Variants in VTA1 observed in about 807,000 individuals in gnomAD.
The protein encoded by VTA1 is vacuolar protein sorting-associated protein VTA1 homolog.
Under a neutral mutation model 36.9 loss-of-function variants are expected in VTA1, and 24 were observed. The observed-to-expected ratio is 0.65, with a 90% confidence interval of 0.47 to 0.91. The LOEUF is 0.91. VTA1 is among the 40% of genes least tolerant of loss of function. The pLI is 0.00. For missense variants in VTA1, 393 were observed against 377.2 expected, an observed-to-expected ratio of 1.04 and a Z score of -0.35; for synonymous variants, 142 against 130.2, an observed-to-expected ratio of 1.09 and a Z score of -0.62.
chr6:142,214,550 C>T (rs1775969961), intron 7 of VTA1, among the ~76,000 whole-genome samples: 1 of 152,178 alleles, frequency 6.6e-6, no homozygotes, highest in South Asian at 2.1e-4. Flanking sequence ...CAGGCCTCTC[C>T]TCCTATTTGA....
intron 6 of VTA1, among the ~76,000 whole-genome samples, chr6:142,200,383 G>T (rs555161978): frequency 2.0e-5 from 3 of 151,808 alleles, no homozygotes; most frequent in African/African-American, 7.3e-5. Flanking sequence ...ATTATTATGC[G>T]AATCAAGAGA....
rs561581686 is a variant in VTA1, at chr6:142,166,320, G to A, written c.205G>A (p.Ala69Thr). 1.3e-6 allele frequency: 2 copies of A among 1,597,592 alleles called. No homozygotes were observed. Among genetic ancestry groups the A allele is most frequent in the African/African-American group, 2.7e-5 (2 of 74,504 alleles). The change falls in exon 2 of 8, where the codon GCT (alanine) becomes ACT (threonine). Residue 69 changes from alanine (A) to threonine (T), a missense_variant and splice_region_variant. By Grantham distance (58) the Ala-to-Thr change is moderately conservative. Coordinates refer to ENST00000367630, the MANE Select transcript of VTA1 (RefSeq NM_016485.5). The stretch of plus-strand genomic sequence containing the variant: ...ATCAAAGTTAATGGATCAGTTAGAA[G>A]CTGTAAGTTAACCACTGATCATTTA... ...FLSKLMDQLE[A>T]LKKQLGDNEA... is the part of the protein sequence containing the mutation.
At chr6:142,185,316 A>C (rs1469720289) in intron 4 of VTA1, among the ~76,000 whole-genome samples, 2 of 152,136 alleles carry the variant, frequency 1.3e-5, no homozygotes, top group African/African-American at 4.8e-5. Context: ...TATATATCCC[A>C]TATTGCTAAT....
chr6:142,172,635 C>T (rs1775049533), intron 4 of VTA1, among the ~76,000 whole-genome samples: 1 of 152,200 alleles, frequency 6.6e-6, no homozygotes, highest in Non-Finnish European at 1.5e-5. Context: ...TTTACCTCAT[C>T]TCCTGTTATT....
Position 142,204,027 on chromosome 6 carries a change from C to G in VTA1, c.740C>G (p.Pro247Arg). ...ATCCAACCTACTCCACAGACTATAC[C>G]TGCCATTGATCCCGCACTTTTCAAT... Reference protein sequence around the residue: ...NTIQPTPQTIPAIDPALFNTI... With the variant: ...NTIQPTPQTIRAIDPALFNTI... The change falls in exon 7 of 8, where the codon CCT becomes CGT. Residue 247 changes from proline to arginine, a missense_variant. By Grantham distance (103) the Pro-to-Arg change is moderately radical (BLOSUM62 -2). Transcript: ENST00000367630. 1 of 1,613,578 alleles carries G rather than the reference C, an allele frequency of 6.2e-7. No individual in the cohort carries two copies. The highest frequency in any genetic ancestry group is 8.5e-7 in the Non-Finnish European group (1 of 1,179,714).
intron 4 of VTA1, among the ~76,000 whole-genome samples, chr6:142,178,886 T>C (rs1338799877): frequency 1.3e-5 from 2 of 151,938 alleles, no homozygotes; most frequent in African/African-American, 4.8e-5. Flanking sequence ...ATAAATATTT[T>C]GAAAATGAAA....
At chr6:142,202,305 C>T (rs6940882) in intron 6 of VTA1, among the ~76,000 whole-genome samples, 4 of 151,778 alleles carry the variant, frequency 2.6e-5, no homozygotes, top group Non-Finnish European at 5.9e-5. Context: ...TAAGATTTGG[C>T]TGTCTCCTCA....
chr6:142,208,026 G>A lies in VTA1; in HGVS notation c.778+3961G>A, dbSNP rs556169780. 2.0e-5 allele frequency among the ~76,000 whole-genome samples: 3 copies of A among 148,472 alleles called. No homozygotes were observed. The East Asian group carries it at 6.0e-4, about 30-fold the overall frequency. ...CGCTTGAACCTGGGAGGCGGAGAGTGCAGTGAGCCGAGATCTCCCCACTGC... is the reference window on the plus strand; with the variant it reads ...CGCTTGAACCTGGGAGGCGGAGAGTACAGTGAGCCGAGATCTCCCCACTGC... On this transcript the variant is annotated intron_variant, in intron 7 of 7. Coordinates refer to ENST00000367630, the MANE Select transcript of VTA1 (RefSeq NM_016485.5).
At chr6:142,169,767 T>G (rs899648662) in intron 3 of VTA1, 90 bp downstream of exon 3, 1 of 1,196,956 alleles carries the variant, frequency 8.4e-7, no homozygotes. Flanking sequence ...CTTTCTAACC[T>G]GCTGATTGAT....
At chr6:142,152,663 T>G (rs1163602563) in intron 1 of VTA1, among the ~76,000 whole-genome samples, 2 of 152,184 alleles carry the variant, frequency 1.3e-5, no homozygotes, top group African/African-American at 2.4e-5. Flanking sequence ...GTTTCAAAGA[T>G]ACAACTTTTA....
intron 4 of VTA1, among the ~76,000 whole-genome samples, chr6:142,176,202 T>A (rs1775121391): frequency 6.6e-6 from 1 of 152,232 alleles, no homozygotes; most frequent in South Asian, 2.1e-4. Flanking sequence ...GATAACATTT[T>A]ACTATTTTTC....
In VTA1 at chr6:142,147,267, A is replaced by G. The variant is rs201605677; in HGVS notation, c.-21A>G. 9 of 1,613,544 alleles carry G rather than the reference A, an allele frequency of 5.6e-6. No homozygotes were observed. In the African/African-American group the frequency reaches 6.7e-5, roughly 12 times the overall value. ...AAGTGCCGGTGGAGCGCGAGTAGGA[A>G]GTGGTGAGTTCGGAGTAGAGATGGC... On this transcript the variant is annotated 5_prime_UTR_variant, in exon 1 of 8. Transcript: ENST00000367630.
intron 4 of VTA1, 143 bp from the exon 5 acceptor site, chr6:142,189,283 G>C: frequency 1.7e-6 from 1 of 579,226 alleles, no homozygotes; most frequent in Non-Finnish European, 3.0e-6. Flanking sequence ...TCCAGCAATA[G>C]GGTGGGGTAT....
chr6:142,216,499 T>C (rs1776006697), intron 7 of VTA1, among the ~76,000 whole-genome samples: 1 of 152,186 alleles, frequency 6.6e-6, no homozygotes, highest in Non-Finnish European at 1.5e-5. Flanking sequence ...GATCTAAATC[T>C]GTACATTGGT....
intron 4 of VTA1, among the ~76,000 whole-genome samples, chr6:142,171,631 C>T (rs1775030737): frequency 6.6e-6 from 1 of 152,164 alleles, no homozygotes; most frequent in Non-Finnish European, 1.5e-5. Flanking sequence ...AGTTCAGTAT[C>T]ATTTTCACCA....
At chr6:142,181,091 AAAAATAT>A (rs1475219490) in intron 4 of VTA1, among the ~76,000 whole-genome samples, 1 of 74,512 alleles carries the variant, frequency 1.3e-5, no homozygotes, top group Non-Finnish European at 2.5e-5. Context: ...AAAAAAAAAA[AAAAATAT>A]ATATATATAT....
At chr6:142,189,352 A>G in intron 4 of VTA1, 74 bp from the exon 5 acceptor site, 1 of 1,211,182 alleles carries the variant, frequency 8.3e-7, no homozygotes, top group Non-Finnish European at 1.2e-6. Context: ...GAAATATGAT[A>G]TAGGTCATCA....
Position 142,147,369 on chromosome 6 carries a change from G to A in VTA1, c.82G>A (p.Asp28Asn). 1 of 1,614,236 alleles carries A rather than the reference G, an allele frequency of 6.2e-7. No individual in the cohort carries two copies. The highest frequency in any genetic ancestry group is 8.5e-7 in the Non-Finnish European group (1 of 1,180,034). ...TCATCTGAGGACGGCTCAGGAGCAT[G>A]ACAAGCGAGACCCTGTGGTGGCTTA... ...QHHLRTAQEH[D>N]KRDPVVAYYC... The change falls in exon 1 of 8, where the codon GAC becomes AAC. Residue 28 changes from aspartate to asparagine, a missense_variant. By Grantham distance (23) the Asp-to-Asn change is conservative. Transcript: ENST00000367630.
In VTA1 at chr6:142,220,466, T is replaced by G. The variant is rs1181691376; in HGVS notation, c.*1823T>G. ...TGGGCTGCATGGTGTGACAGAGCCCTTCTCTGTAAAATGGAAATGACACCA... is the reference window on the plus strand; with the variant it reads ...TGGGCTGCATGGTGTGACAGAGCCCGTCTCTGTAAAATGGAAATGACACCA... On this transcript the variant is annotated 3_prime_UTR_variant, in exon 8 of 8. Coordinates refer to ENST00000367630, the MANE Select transcript of VTA1 (RefSeq NM_016485.5). 2.0e-5 allele frequency: 3 copies of G among 152,162 alleles called. No homozygotes were observed. Among genetic ancestry groups the G allele is most frequent in the African/African-American group, 4.8e-5 (2 of 41,444 alleles). 9.4% of individuals were successfully genotyped at this position (152,162 alleles called of 1,614,324 possible).
Sources: allele counts gnomAD v4.1 joint callset (sites outside exome capture counted in the v4.1 genomes callset), GRCh38; gene constraint gnomAD v4.1.1; transcripts MANE v1.5; gene names NCBI Gene and HGNC (gene_info 2026-07-23, HGNC 2026-07-21).